CCDC126: variants seen among roughly 807,000 people sequenced by gnomAD.
CCDC126 encodes the protein coiled-coil domain-containing protein 126.
A neutral mutation model predicts 11.7 loss-of-function variants in CCDC126; 5 were observed. The observed-to-expected ratio is 0.43, with a 90% CI of 0.22 to 0.90. CCDC126 has a LOEUF of 0.90. CCDC126 is among the 40% of genes least tolerant of loss of function. CCDC126 has a pLI of 0.27. For missense variants in CCDC126, 150 were observed against 163.1 expected (o/e 0.92, Z 0.44); for synonymous variants, 60 against 61.9 (o/e 0.97, Z 0.14).
At chr7:23,620,777 A>G (rs558807630) in intron 3 of CCDC126, among the ~76,000 whole-genome samples, 2,743 of 151,842 alleles carry the variant, frequency 0.018, 92 homozygotes, top group African/African-American at 0.063. Flanking sequence ...GAAGGGATCC[A>G]GTTTCAGCTT....
At position 23,598,023 on chromosome 7, in the gene CCDC126, C is replaced by G. The variant is rs1172290692; in HGVS notation, c.-174C>G. ...AAGTCAGATGCCCCTTTTAAACTCCCTCTTCAAAACTCATCTCCTGGGTGA... is the reference window on the plus strand; with the variant it reads ...AAGTCAGATGCCCCTTTTAAACTCCGTCTTCAAAACTCATCTCCTGGGTGA... On this transcript the variant is annotated 5_prime_UTR_variant, in exon 2 of 4. Coordinates refer to ENST00000307471, the MANE Select transcript of CCDC126 (RefSeq NM_138771.4). The G allele has an allele frequency of 6.6e-6, 1 of 152,278 alleles. No homozygotes were observed. The highest frequency in any genetic ancestry group is 1.5e-5 in the Non-Finnish European group (1 of 68,078). 9.4% of individuals were successfully genotyped at this position (152,278 alleles called of 1,614,324 possible). A position where few individuals can be genotyped will look rare whatever the true frequency, so the allele number is the denominator to read the frequency against.
chr7:23,628,850 G>A (rs1783057523), intron 3 of CCDC126, among the ~76,000 whole-genome samples: 1 of 152,130 alleles, frequency 6.6e-6, no homozygotes, highest in Non-Finnish European at 1.5e-5. Context: ...ACTGTCAGTG[G>A]AGAGTACATG....
At chr7:23,622,555 T>C in intron 3 of CCDC126, 1 of 535,408 alleles carries the variant, frequency 1.9e-6, no homozygotes, top group South Asian at 1.4e-5. Flanking sequence ...GGTGTATCCC[T>C]TGTGTAACTG....
At chr7:23,637,252 T>TG (rs1194894470) in intron 3 of CCDC126, among the ~76,000 whole-genome samples, 3 of 4,014 alleles carry the variant, frequency 7.5e-4, no homozygotes, top group African/African-American at 3.9e-3. Context: ...GGGAGGGAGG[T>TG]GGGGGGGGTC....
At chr7:23,628,924 A>G (rs1021690775) in intron 3 of CCDC126, among the ~76,000 whole-genome samples, 5 of 152,150 alleles carry the variant, frequency 3.3e-5, no homozygotes, top group African/African-American at 2.4e-5. Flanking sequence ...AGTATTGTGG[A>G]AGCTGAATGG....
At chr7:23,599,870 T>C (rs540436568) in intron 2 of CCDC126, among the ~76,000 whole-genome samples, 2 of 152,334 alleles carry the variant, frequency 1.3e-5, no homozygotes, top group African/African-American at 4.8e-5. Flanking sequence ...CTGCATCCTC[T>C]ACCTCCCAGG....
intron 3 of CCDC126, among the ~76,000 whole-genome samples, chr7:23,641,898 C>T (rs1026536887): frequency 3.3e-5 from 5 of 152,198 alleles, no homozygotes; most frequent in African/African-American, 1.2e-4. Context: ...CTGGCATTTG[C>T]ACTGGACCCT....
At chr7:23,633,830 G>A (rs1783157382) in intron 3 of CCDC126, among the ~76,000 whole-genome samples, 1 of 152,058 alleles carries the variant, frequency 6.6e-6, no homozygotes, top group Non-Finnish European at 1.5e-5. Flanking sequence ...TCCAGCCTGG[G>A]CAGGGACAGA....
chr7:23,611,265 T>C lies in CCDC126; in HGVS notation c.-51T>C. ...TTTTTTCAAGTCTTGATTTGTGGCT[T>C]ACCTCAAGTTACCATTTTTCAGTCA... On this transcript the variant is annotated 5_prime_UTR_variant, in exon 3 of 4. Coordinates refer to ENST00000307471, the MANE Select transcript of CCDC126 (RefSeq NM_138771.4). The C allele has an allele frequency of 9.2e-7, 1 of 1,089,684 alleles. No individual in the cohort carries two copies. Among genetic ancestry groups the C allele is most frequent in the East Asian group, 2.4e-5 (1 of 42,438 alleles). The allele number at this position is 1,089,684 out of a possible 1,614,324, so 67.5% of individuals were successfully genotyped here. A position where few individuals can be genotyped will look rare whatever the true frequency, so the allele number is the denominator to read the frequency against.
At chr7:23,615,333 A>G (rs887414235) in intron 3 of CCDC126, among the ~76,000 whole-genome samples, 1 of 152,226 alleles carries the variant, frequency 6.6e-6, no homozygotes, top group African/African-American at 2.4e-5. Flanking sequence ...ATAGAATTGA[A>G]GAGAGTTGGG....
At position 23,615,001 on chromosome 7, in the gene CCDC126, C is replaced by A. The variant is rs958074447; in HGVS notation, c.238+3448C>A. On this transcript the variant is annotated intron_variant, in intron 3 of 3. Transcript: ENST00000307471. ...CAACTTTAAGTCACCAGATGCATTA[C>A]CCCCTAAGAAGAAAGTCAGCCTGTC... Among the ~76,000 whole-genome samples the A allele has an allele frequency of 2.6e-5, 4 of 152,188 alleles. No individual in the cohort carries two copies. In the East Asian group the frequency reaches 7.7e-4, roughly 29 times the overall value.
intron 3 of CCDC126, among the ~76,000 whole-genome samples, chr7:23,616,797 T>TG (rs1782802151): frequency 1.3e-5 from 2 of 152,314 alleles, no homozygotes; most frequent in South Asian, 4.1e-4. Context: ...GGGCCCTCAG[T>TG]GGGACATCCT....
At chr7:23,638,243 T>G (rs1388111003) in intron 3 of CCDC126, among the ~76,000 whole-genome samples, 2 of 151,886 alleles carry the variant, frequency 1.3e-5, no homozygotes, top group Non-Finnish European at 2.9e-5. Flanking sequence ...GGATGGGCCA[T>G]GATGACAATG....
rs556030242 is a variant in CCDC126 at position 23,619,268 on chromosome 7, C to A, written c.238+7715C>A. The A allele has an allele frequency of 7.2e-4, 151 of 210,150 alleles. 1 individual carries two copies. Among genetic ancestry groups the A allele is most frequent in the South Asian group, 5.2e-3 (68 of 13,012 alleles). The allele number at this position is 210,150 out of a possible 1,614,324, so 13.0% of individuals were successfully genotyped here. ...ATGGGTTGACAGGTGCAGCAAATCA[C>A]CATGGCGCAGGTTTACCTATGTAAC... is the stretch of plus-strand genomic sequence containing the variant. On this transcript the variant is annotated intron_variant, in intron 3 of 3. Transcript: ENST00000307471.
At chr7:23,624,708 T>C (rs1179497098) in intron 3 of CCDC126, among the ~76,000 whole-genome samples, 1 of 152,258 alleles carries the variant, frequency 6.6e-6, no homozygotes, top group East Asian at 1.9e-4. Context: ...AACACATTGC[T>C]TTATTTTGAA....
intron 3 of CCDC126, among the ~76,000 whole-genome samples, chr7:23,616,960 T>C (rs1782803992): frequency 6.6e-6 from 1 of 152,242 alleles, no homozygotes; most frequent in Admixed American, 6.5e-5. Context: ...TTTCCATTTC[T>C]GTCTTTTTAC....
intron 3 of CCDC126, among the ~76,000 whole-genome samples, chr7:23,632,831 G>C (rs553476623): frequency 2.5e-4 from 38 of 152,168 alleles, no homozygotes; most frequent in Non-Finnish European, 4.0e-4. Context: ...TTTTGATGTA[G>C]ATATTTAAGA....
chr7:23,605,335 A>G (rs1318378372), intron 2 of CCDC126, among the ~76,000 whole-genome samples: 2 of 151,848 alleles, frequency 1.3e-5, no homozygotes, highest in African/African-American at 4.8e-5. Flanking sequence ...CTGAGTTTGC[A>G]TGTTAGATTC....
chr7:23,625,234 G>A (rs1782993136), intron 3 of CCDC126, among the ~76,000 whole-genome samples: 1 of 152,162 alleles, frequency 6.6e-6, no homozygotes, highest in South Asian at 2.1e-4. Context: ...ATTTAGTGCT[G>A]TGGTGTATTT....
Sources: allele counts gnomAD v4.1 joint callset (sites outside exome capture counted in the v4.1 genomes callset), GRCh38; gene constraint gnomAD v4.1.1; transcripts MANE v1.5; gene names NCBI Gene and HGNC (gene_info 2026-07-23, HGNC 2026-07-21).